The following GCNT2 variants were observed in gnomAD, a reference collection of about 807,000 sequenced individuals.
GCNT2 encodes N-acetyllactosaminide beta-1,6-N-acetylglucosaminyl-transferase.
Under a neutral mutation model 34.2 loss-of-function variants are expected in GCNT2, and 34 were observed. The ratio of observed to expected loss-of-function variants is 1.00; its 90% confidence interval spans 0.76 to 1.32. The LOEUF is 1.32. Ranked by LOEUF, GCNT2 falls within the 40% of genes most tolerant of loss-of-function variation. The pLI is 0.00. For missense variants in GCNT2, 584 were observed against 489.4 expected (o/e 1.19, Z -1.82); for synonymous variants, 212 against 188.0 (o/e 1.13, Z -1.04).
At chr6:10,587,251 T>A (rs1764398292) in intron 3 of GCNT2, among the ~76,000 whole-genome samples, 1 of 152,208 alleles carries the variant, frequency 6.6e-6, no homozygotes, top group Non-Finnish European at 1.5e-5. Flanking sequence ...ATTCTAGAAT[T>A]TAGGAGTTGA....
At chr6:10,603,608 T>C (rs1356245872) in intron 3 of GCNT2, among the ~76,000 whole-genome samples, 11 of 150,000 alleles carry the variant, frequency 7.3e-5, no homozygotes. Flanking sequence ...CTCCGCCTCC[T>C]GGGTTCAAGT....
intron 3 of GCNT2, chr6:10,556,079 G>A: frequency 8.4e-7 from 1 of 1,194,826 alleles, no homozygotes; most frequent in Non-Finnish European, 1.0e-6. Flanking sequence ...AGAGATATGG[G>A]AAACTAAATC....
At chr6:10,557,741 C>T (rs1762789281) in intron 3 of GCNT2, among the ~76,000 whole-genome samples, 1 of 152,198 alleles carries the variant, frequency 6.6e-6, no homozygotes, top group Non-Finnish European at 1.5e-5. Flanking sequence ...TCCTCCCCAT[C>T]TTGGCCTCCC....
intron 3 of GCNT2, among the ~76,000 whole-genome samples, chr6:10,560,084 A>G (rs898907092): frequency 5.9e-5 from 9 of 152,152 alleles, no homozygotes; most frequent in African/African-American, 2.2e-4. Context: ...CCGTTAATCA[A>G]TATCAGCTCT....
At chr6:10,533,937 A>G (rs1172193103) in intron 3 of GCNT2, among the ~76,000 whole-genome samples, 1 of 151,190 alleles carries the variant, frequency 6.6e-6, no homozygotes, top group Non-Finnish European at 1.5e-5. Flanking sequence ...TGCAGTGGTC[A>G]GGCTCTGCCG....
chr6:10,614,754 G>A (rs568794689), intron 3 of GCNT2, among the ~76,000 whole-genome samples: 12 of 152,128 alleles, frequency 7.9e-5, no homozygotes, highest in East Asian at 7.7e-4. Flanking sequence ...ATCCAGGCCC[G>A]TCTGATCCTC....
chr6:10,600,990 C>T (rs1765067336), intron 3 of GCNT2, among the ~76,000 whole-genome samples: 1 of 152,014 alleles, frequency 6.6e-6, no homozygotes, highest in South Asian at 2.1e-4. Flanking sequence ...TGGGGTTTCG[C>T]CATTTTGCCC....
At chr6:10,576,058 C>T (rs770544739) in intron 3 of GCNT2, among the ~76,000 whole-genome samples, 23 of 152,160 alleles carry the variant, frequency 1.5e-4, no homozygotes, top group Non-Finnish European at 3.1e-4. Context: ...TGCATGAAAA[C>T]GGGGTTTCAC....
chr6:10,539,759 T>C (rs1301666225), intron 3 of GCNT2, among the ~76,000 whole-genome samples: 4 of 152,214 alleles, frequency 2.6e-5, no homozygotes, highest in Non-Finnish European at 5.9e-5. Flanking sequence ...ACATTTGGTT[T>C]TGAAAGCATA....
chr6:10,624,459 C>A (rs930745357), intron 4 of GCNT2, among the ~76,000 whole-genome samples: 2 of 152,090 alleles, frequency 1.3e-5, no homozygotes, highest in African/African-American at 4.8e-5. Context: ...ACCACAAGAA[C>A]AATCATGGGG....
At chr6:10,549,233 G>C (rs1298891462) in intron 3 of GCNT2, among the ~76,000 whole-genome samples, 1 of 152,114 alleles carries the variant, frequency 6.6e-6, no homozygotes, top group Non-Finnish European at 1.5e-5. Context: ...TAGTGCCCAC[G>C]CTGAGAAACC....
intron 3 of GCNT2, among the ~76,000 whole-genome samples, chr6:10,613,525 T>C (rs994805858): frequency 7.9e-5 from 12 of 151,992 alleles, no homozygotes; most frequent in African/African-American, 2.9e-4. Context: ...TAACAGCAAA[T>C]ATAATAATAA....
At chr6:10,585,740 G>C in intron 3 of GCNT2, 1 of 1,389,520 alleles carries the variant, frequency 7.2e-7, no homozygotes, top group Non-Finnish European at 9.3e-7. Context: ...CAAACAGCAG[G>C]GATTCAACCC....
intron 3 of GCNT2, among the ~76,000 whole-genome samples, chr6:10,569,615 C>G (rs1763447242): frequency 1.3e-5 from 2 of 152,210 alleles, no homozygotes; most frequent in African/African-American, 4.8e-5. Flanking sequence ...TCATGCTGAG[C>G]CCAGCCTGGG....
At chr6:10,626,275 A>G in intron 4 of GCNT2, 142 bp from the exon 5 acceptor site, 1 of 710,210 alleles carries the variant, frequency 1.4e-6, no homozygotes, top group Non-Finnish European at 2.6e-6. Flanking sequence ...GTGGGCTGAG[A>G]CTGCACAATC....
chr6:10,558,291 C>CAGTG (rs1762814744), intron 3 of GCNT2, among the ~76,000 whole-genome samples: 1 of 152,108 alleles, frequency 6.6e-6, no homozygotes, highest in Non-Finnish European at 1.5e-5. Context: ...ATGAATAAAT[C>CAGTG]AGTGAGTGAG....
intron 3 of GCNT2, chr6:10,586,457 A>G: frequency 1.2e-6 from 2 of 1,614,230 alleles, no homozygotes; most frequent in Non-Finnish European, 1.7e-6. Flanking sequence ...CTTCAAAGAC[A>G]GAGTCTGTGG....
At chr6:10,579,876 A>G (rs1372212421) in intron 3 of GCNT2, among the ~76,000 whole-genome samples, 1 of 151,072 alleles carries the variant, frequency 6.6e-6, no homozygotes, top group Non-Finnish European at 1.5e-5. Context: ...ATGGAGCTGT[A>G]TAAATGCCGG....
chr6:10,571,573 G>T (rs992742942), intron 3 of GCNT2, among the ~76,000 whole-genome samples: 1 of 152,092 alleles, frequency 6.6e-6, no homozygotes, highest in Non-Finnish European at 1.5e-5. Context: ...GACTGGTCTT[G>T]AACTCCTGAC....
Sources: allele counts gnomAD v4.1 joint callset (sites outside exome capture counted in the v4.1 genomes callset), GRCh38; gene constraint gnomAD v4.1.1; transcripts MANE v1.5; gene names NCBI Gene and HGNC (gene_info 2026-07-23, HGNC 2026-07-21).